The following LYST variants were observed in gnomAD, a reference collection of about 807,000 sequenced individuals.
LYST encodes the protein lysosomal-trafficking regulator.
In LYST, 192 loss-of-function variants were observed where a neutral mutation model predicts 413.6. The ratio of observed to expected loss-of-function variants is 0.46; its 90% CI spans 0.41 to 0.52. The LOEUF is 0.52. Ranked by LOEUF, LYST falls within the 20% of genes least tolerant of loss-of-function variation. LYST has a pLI of 0.00. For synonymous variants in LYST, 1,525 were observed against 1,567.3 expected, an observed-to-expected ratio of 0.97 and a Z score of 0.64; for missense variants, 3,815 against 4,499.9, an observed-to-expected ratio of 0.85 and a Z score of 4.35.
At chr1:235,803,386 C>T (rs1262970624) in intron 7 of LYST, among the ~76,000 whole-genome samples, 1 of 151,928 alleles carries the variant, frequency 6.6e-6, no homozygotes, top group African/African-American at 2.4e-5. Flanking sequence ...TAAAATTTTA[C>T]TTCATACAAT....
At chr1:235,743,752 C>T (rs1665645019) in intron 30 of LYST, among the ~76,000 whole-genome samples, 1 of 152,048 alleles carries the variant, frequency 6.6e-6, no homozygotes, top group South Asian at 2.1e-4. Flanking sequence ...AAAATGTCTT[C>T]TAGGGTTACA....
intron 50 of LYST, among the ~76,000 whole-genome samples, chr1:235,676,061 T>A (rs909253843): frequency 6.6e-6 from 1 of 152,236 alleles, no homozygotes; most frequent in Non-Finnish European, 1.5e-5. Context: ...AGAAAATTCA[T>A]GAATTTTCTA....
chr1:235,693,897 T>A (rs1182949909), intron 46 of LYST, among the ~76,000 whole-genome samples: 1 of 152,194 alleles, frequency 6.6e-6, no homozygotes. Flanking sequence ...ATAACACTGC[T>A]AGAGTGGAAG....
rs1659219166 is a variant in LYST at position 235,674,530 on chromosome 1, C to T, written c.11038+2561G>A. Reference sequence around the variant, plus strand: ...AATCAAATAGCTGCAGGATTTGAATCTATATTGTTCTCATGGGTAACTGCA... The same window carrying T: ...AATCAAATAGCTGCAGGATTTGAATTTATATTGTTCTCATGGGTAACTGCA... On this transcript the variant is annotated intron_variant, in intron 50 of 52. Coordinates refer to ENST00000389793, the MANE Select transcript of LYST (RefSeq NM_000081.4). This position sits in a 1 kb window ranked among gnomAD's most constrained non-coding sequence, Gnocchi z 4.1. Among the ~76,000 whole-genome samples the T allele has an allele frequency of 6.6e-6, 1 of 152,026 alleles. No individual in the cohort carries two copies. Among genetic ancestry groups the T allele is most frequent in the Non-Finnish European group, 1.5e-5 (1 of 68,018 alleles).
chr1:235,811,733 G>A (rs1673471195), intron 4 of LYST, among the ~76,000 whole-genome samples: 1 of 152,114 alleles, frequency 6.6e-6, no homozygotes, highest in Admixed American at 6.6e-5. Context: ...GACAGGGAAA[G>A]CAAACCAGAT....
At chr1:235,800,433 G>C in intron 9 of LYST, 47 bp from the exon 10 acceptor site, 1 of 1,039,062 alleles carries the variant, frequency 9.6e-7, no homozygotes, top group Non-Finnish European at 1.5e-6. Flanking sequence ...CCTCACAGAA[G>C]CATGAAACAA....
At chr1:235,748,060 G>A (rs1666098559) in intron 28 of LYST, among the ~76,000 whole-genome samples, 1 of 152,106 alleles carries the variant, frequency 6.6e-6, no homozygotes, top group South Asian at 2.1e-4. Flanking sequence ...AGAAAGAGTT[G>A]TTTTGTTGAT....
chr1:235,715,556 C>G (rs115007448), intron 41 of LYST, among the ~76,000 whole-genome samples, 199 bp from the exon 42 acceptor site: 1 of 151,986 alleles, frequency 6.6e-6, no homozygotes, highest in African/African-American at 2.4e-5. Context: ...TCACTAAGAC[C>G]CAAACACTCA....
intron 25 of LYST, 50 bp downstream of exon 25, chr1:235,755,428 G>GAAAAGA: frequency 1.6e-6 from 2 of 1,228,166 alleles, no homozygotes; most frequent in Non-Finnish European, 2.4e-6. Context: ...GAAAAGAAAA[G>GAAAAGA]AAAAAAGACA....
intron 47 of LYST, among the ~76,000 whole-genome samples, chr1:235,688,076 G>C (rs1450849656): frequency 6.6e-6 from 1 of 151,982 alleles, no homozygotes; most frequent in Non-Finnish European, 1.5e-5. Context: ...CTATTTGTTA[G>C]GATTGATACT....
intron 1 of LYST, among the ~76,000 whole-genome samples, chr1:235,835,102 G>GC (rs1553315520): frequency 7.4e-6 from 1 of 134,640 alleles, no homozygotes; most frequent in Non-Finnish European, 1.5e-5. Flanking sequence ...ATTTTTAATG[G>GC]GGGGGGGTTT....
chr1:235,766,305 G>A (rs1350267684), intron 20 of LYST, 28 bp from the exon 21 acceptor site: 2 of 1,518,656 alleles, frequency 1.3e-6, no homozygotes, highest in Non-Finnish European at 1.8e-6. Flanking sequence ...ACTCTCTTTA[G>A]ATTTAAAGAA....
upstream of LYST, among the ~76,000 whole-genome samples, chr1:235,867,207 C>T (rs74148909): frequency 5.2e-3 from 791 of 152,350 alleles, 9 homozygotes; most frequent in African/African-American, 0.018. Context: ...TGGGTCCGCA[C>T]CTCCTCCCAG....
intron 36 of LYST, among the ~76,000 whole-genome samples, chr1:235,730,445 G>T (rs1198905529): frequency 6.6e-6 from 1 of 151,626 alleles, no homozygotes; most frequent in Admixed American, 6.6e-5. Context: ...GATACCACCA[G>T]CAGCTCTATC....
intron 1 of LYST, among the ~76,000 whole-genome samples, chr1:235,841,285 G>A (rs1039156110): frequency 2.0e-5 from 3 of 152,186 alleles, no homozygotes; most frequent in African/African-American, 7.2e-5. Context: ...AAAATAGAGA[G>A]GAGCTGGAGA....
At chr1:235,713,052 C>T in intron 42 of LYST, 1 of 985,404 alleles carries the variant, frequency 1.0e-6, no homozygotes, top group Non-Finnish European at 1.2e-6. Context: ...GCCACAAACA[C>T]ATCGCAGCAT....
intron 10 of LYST, among the ~76,000 whole-genome samples, chr1:235,798,111 G>A (rs989784098): frequency 6.6e-6 from 1 of 152,034 alleles, no homozygotes; most frequent in Non-Finnish European, 1.5e-5. Flanking sequence ...CTGATACAGG[G>A]ACATTCTGAC....
At chr1:235,801,945 C>T (rs1672275530) in intron 8 of LYST, among the ~76,000 whole-genome samples, 1 of 152,014 alleles carries the variant, frequency 6.6e-6, no homozygotes, top group African/African-American at 2.4e-5. Flanking sequence ...CCTGTAATCC[C>T]AGCACTTTGG....
rs1233899254 is a variant in LYST, at chr1:235,724,132, C to CTT, written c.9209_9210dup (p.Glu3071LysfsTer13). 1 of 1,613,786 alleles carries CTT rather than the reference C, an allele frequency of 6.2e-7. No homozygotes were observed. The highest frequency in any genetic ancestry group is 8.5e-7 in the Non-Finnish European group (1 of 1,179,766). On this transcript the variant is annotated frameshift_variant, in exon 39 of 53. Transcript: ENST00000389793. LOFTEE classifies it high-confidence loss of function. ...CAACGCTTGTGAACTTCTTTAATTT[C>CTT]TTCATATGTCCAGGAAAATGATGCT...
Sources: allele counts gnomAD v4.1 joint callset (sites outside exome capture counted in the v4.1 genomes callset), GRCh38; gene constraint gnomAD v4.1.1; non-coding constraint Gnocchi (gnomAD v3.1); transcripts MANE v1.5; gene names NCBI Gene and HGNC (gene_info 2026-07-23, HGNC 2026-07-21).